The following PITPNC1 variants were observed in gnomAD, a reference collection of about 807,000 sequenced individuals.
The protein encoded by PITPNC1 is cytoplasmic phosphatidylinositol transfer protein 1.
A neutral mutation model predicts 44.7 loss-of-function variants in PITPNC1; 18 were observed. That is an observed-to-expected ratio of 0.40 (90% CI 0.28 to 0.60). PITPNC1 has a LOEUF of 0.60. Ranked by LOEUF, PITPNC1 falls within the 20% of genes least tolerant of loss-of-function variation. The probability of loss-of-function intolerance (pLI) is 0.39; values close to 1 mark genes in which losing one functional copy is unlikely to be tolerated. For synonymous variants in PITPNC1, 141 were observed against 149.6 expected, an observed-to-expected ratio of 0.94 and a Z score of 0.42; for missense variants, 290 against 418.4, an observed-to-expected ratio of 0.69 and a Z score of 2.68.
intron 1 of PITPNC1, among the ~76,000 whole-genome samples, chr17:67,480,159 C>T (rs1295305093): frequency 6.6e-6 from 1 of 152,162 alleles, no homozygotes; most frequent in African/African-American, 2.4e-5. Context: ...GTCATTGACC[C>T]ATCCTGTTGC....
intron 6 of PITPNC1, among the ~76,000 whole-genome samples, chr17:67,649,128 T>C (rs1166606635): frequency 6.6e-6 from 1 of 152,222 alleles, no homozygotes; most frequent in Non-Finnish European, 1.5e-5. Flanking sequence ...CACTCCAGCC[T>C]GGGTGACAGA....
At chr17:67,474,147 T>A (rs771691746) in intron 1 of PITPNC1, among the ~76,000 whole-genome samples, 26 of 152,028 alleles carry the variant, frequency 1.7e-4, no homozygotes, top group Non-Finnish European at 2.6e-4. Context: ...GGAGCGAAGT[T>A]CCTAGGAAGG....
intron 2 of PITPNC1, among the ~76,000 whole-genome samples, chr17:67,534,004 C>G (rs2040496349): frequency 6.6e-6 from 1 of 151,982 alleles, no homozygotes; most frequent in Non-Finnish European, 1.5e-5. Flanking sequence ...AAGTGATACT[C>G]CTGCTTCAGC....
At chr17:67,414,792 G>A (rs1409449570) in intron 1 of PITPNC1, among the ~76,000 whole-genome samples, 1 of 152,198 alleles carries the variant, frequency 6.6e-6, no homozygotes, top group East Asian at 1.9e-4. Flanking sequence ...GGGCAAAGGG[G>A]AAGGTCCAGT....
chr17:67,452,338 T>C (rs1406687439), intron 1 of PITPNC1, among the ~76,000 whole-genome samples: 1 of 151,760 alleles, frequency 6.6e-6, no homozygotes, highest in Admixed American at 6.6e-5. Context: ...TTACTGCTAA[T>C]AGCATTCCAT....
chr17:67,509,115 T>TC (rs1007106032), intron 1 of PITPNC1, among the ~76,000 whole-genome samples: 1 of 151,748 alleles, frequency 6.6e-6, no homozygotes, highest in Non-Finnish European at 1.5e-5. Flanking sequence ...ACGCCTGTAA[T>TC]CCCAGCTACT....
At chr17:67,592,474 C>A (rs1014404784) in intron 5 of PITPNC1, among the ~76,000 whole-genome samples, 12 of 152,134 alleles carry the variant, frequency 7.9e-5, no homozygotes, top group African/African-American at 2.9e-4. Context: ...AACATCTCAA[C>A]AGGATTGTCA....
chr17:67,477,129 G>A (rs369356571), intron 1 of PITPNC1, among the ~76,000 whole-genome samples: 7 of 152,088 alleles, frequency 4.6e-5, no homozygotes, highest in African/African-American at 1.7e-4. Context: ...GGGCTGGAGT[G>A]CAATGGCATG....
intron 6 of PITPNC1, among the ~76,000 whole-genome samples, chr17:67,657,593 C>T (rs2042286999): frequency 6.6e-6 from 1 of 150,782 alleles, no homozygotes; most frequent in African/African-American, 2.5e-5. Context: ...CCCCGGTGTC[C>T]TTATCTATAA....
chr17:67,515,055 C>T (rs902454648), intron 1 of PITPNC1, among the ~76,000 whole-genome samples: 10 of 152,148 alleles, frequency 6.6e-5, no homozygotes, highest in African/African-American at 1.4e-4. Flanking sequence ...GCCATCTAAC[C>T]GGGCATCCTA....
chr17:67,465,956 G>C (rs2039420316), intron 1 of PITPNC1, among the ~76,000 whole-genome samples: 1 of 134,264 alleles, frequency 7.4e-6, no homozygotes. Flanking sequence ...TTGCATCACA[G>C]AGCTGGTTTC....
intron 4 of PITPNC1, among the ~76,000 whole-genome samples, chr17:67,555,466 A>G (rs1240776540): frequency 6.6e-6 from 1 of 152,098 alleles, no homozygotes; most frequent in African/African-American, 2.4e-5. Flanking sequence ...GCAGGTAATT[A>G]AATGATTCCC....
At chr17:67,542,789 C>T (rs1811682382) in intron 2 of PITPNC1, among the ~76,000 whole-genome samples, 1 of 152,156 alleles carries the variant, frequency 6.6e-6, no homozygotes, top group Non-Finnish European at 1.5e-5. Flanking sequence ...CAGAAACTGC[C>T]TTATTGATTA....
intron 2 of PITPNC1, among the ~76,000 whole-genome samples, chr17:67,536,745 C>G (rs1195946183): frequency 7.9e-5 from 12 of 151,776 alleles, no homozygotes; most frequent in Admixed American, 7.9e-4. Context: ...TTCTAGCCAC[C>G]CTCGCAGCTA....
chr17:67,686,271 T>C (rs918666446), intron 8 of PITPNC1, among the ~76,000 whole-genome samples: 1 of 148,864 alleles, frequency 6.7e-6, no homozygotes, highest in African/African-American at 2.5e-5. Flanking sequence ...ATCTGCACAC[T>C]AGATGCCAGT....
chr17:67,441,646 G>A (rs1313829071), intron 1 of PITPNC1, among the ~76,000 whole-genome samples: 1 of 152,142 alleles, frequency 6.6e-6, no homozygotes, highest in Admixed American at 6.5e-5. Flanking sequence ...AAGCCCCGAC[G>A]TCAATTATTC....
chr17:67,658,944 C>G (rs972892969), intron 6 of PITPNC1, among the ~76,000 whole-genome samples: 2 of 152,070 alleles, frequency 1.3e-5, no homozygotes, highest in African/African-American at 4.8e-5. Flanking sequence ...CATCATTTAC[C>G]TCTGTTGGGA....
At chr17:67,592,356 G>A (rs972992375) in intron 5 of PITPNC1, among the ~76,000 whole-genome samples, 1 of 152,074 alleles carries the variant, frequency 6.6e-6, no homozygotes, top group African/African-American at 2.4e-5. Context: ...ACCTAACAAA[G>A]ACCTGAACAA....
At chr17:67,425,219 A>G (rs866803245) in intron 1 of PITPNC1, among the ~76,000 whole-genome samples, 4,776 of 66,106 alleles carry the variant, frequency 0.072, 367 homozygotes, top group African/African-American at 0.089. Context: ...ACACACACAC[A>G]CACACACACA....
Sources: allele counts gnomAD v4.1 joint callset (sites outside exome capture counted in the v4.1 genomes callset), GRCh38; gene constraint gnomAD v4.1.1; transcripts MANE v1.5; gene names NCBI Gene and HGNC (gene_info 2026-07-23, HGNC 2026-07-21).